Variants in TMEFF2 observed in about 807,000 individuals in gnomAD.
TMEFF2 encodes the protein transmembrane protein with EGF like and two follistatin like domains 2, also known as tomoregulin-2.
TMEFF2 carries 28 observed loss-of-function variants against 53.8 expected under a neutral mutation model. The observed-to-expected ratio is 0.52, with a 90% confidence interval of 0.39 to 0.71. The LOEUF (loss-of-function observed/expected upper bound fraction) is 0.71, where lower values mean the gene tolerates loss of function less well. TMEFF2 is among the 30% of genes least tolerant of loss of function. The pLI, the probability that TMEFF2 is intolerant of heterozygous loss-of-function variation, is 0.00. For synonymous variants in TMEFF2, 162 were observed against 166.3 expected, an observed-to-expected ratio of 0.97 and a Z score of 0.20; for missense variants, 353 against 455.2, an observed-to-expected ratio of 0.78 and a Z score of 2.04.
rs990420019 is a variant in TMEFF2 at position 192,166,199 on chromosome 2, G to A, written c.439+13469C>T. Among the ~76,000 whole-genome samples the A allele has an allele frequency of 2.0e-5, 3 of 152,106 alleles. No individual in the cohort carries two copies. The South Asian group carries it at 6.2e-4, about 31-fold the overall frequency. On this transcript the variant is annotated intron_variant, in intron 4 of 9. Transcript: ENST00000272771. ...TTCTCCCTTTCCAAGCATTGACATT[G>A]TTTGTCTTCCGTTTTATGCTTCTTA...
At position 192,184,418 on chromosome 2, in the gene TMEFF2, C is replaced by T. The variant is rs772214670; in HGVS notation, c.348G>A (p.Leu116=). ...NGESYQNECY[L]RQAACKQQSE... ...TCTGCTGTTTGCATGCAGCCTGTCG[C>T]AGGTAACACTCATTCTGGTAGCTCT... The change falls in exon 3 of 10, where the codon CTG becomes CTA. Residue 116 remains leucine, a synonymous_variant. Transcript: ENST00000272771. 3.7e-5 allele frequency: 59 copies of T among 1,613,330 alleles called. No homozygotes were observed. In the East Asian group the frequency reaches 1.3e-3, roughly 35 times the overall value.
At chr2:192,039,267 T>C (rs1687414619) in intron 5 of TMEFF2, among the ~76,000 whole-genome samples, 1 of 152,144 alleles carries the variant, frequency 6.6e-6, no homozygotes, top group Admixed American at 6.5e-5. Context: ...ATTTATCAAT[T>C]CTATGAATAA....
At chr2:192,048,823 TA>T (rs956851623) in intron 5 of TMEFF2, among the ~76,000 whole-genome samples, 4 of 152,252 alleles carry the variant, frequency 2.6e-5, no homozygotes, top group Admixed American at 2.0e-4. Flanking sequence ...TTGAAGCAGC[TA>T]AAAAAACCTC....
chr2:192,083,387 A>G (rs1037168001), intron 4 of TMEFF2, among the ~76,000 whole-genome samples: 2 of 152,148 alleles, frequency 1.3e-5, no homozygotes, highest in Non-Finnish European at 2.9e-5. Flanking sequence ...GAGAGTATAG[A>G]GGCCAAACCT....
intron 5 of TMEFF2, among the ~76,000 whole-genome samples, chr2:192,034,032 G>T (rs899326333): frequency 2.0e-5 from 3 of 151,800 alleles, no homozygotes; most frequent in African/African-American, 7.3e-5. Flanking sequence ...AAAATTAGCC[G>T]GGCGTGGTGG....
At chr2:192,149,767 G>T (rs1690340339) in intron 4 of TMEFF2, among the ~76,000 whole-genome samples, 1 of 151,940 alleles carries the variant, frequency 6.6e-6, no homozygotes, top group African/African-American at 2.4e-5. Context: ...TCTAAAGACA[G>T]AAGAGTGTAA....
chr2:192,037,835 T>C (rs1176460926), intron 5 of TMEFF2: 1 of 152,152 alleles, frequency 6.6e-6, no homozygotes, highest in Non-Finnish European at 1.5e-5. Context: ...AAAGGACAGT[T>C]TTTCTGTCTT....
At chr2:192,077,841 A>G (rs185503361) in intron 4 of TMEFF2, among the ~76,000 whole-genome samples, 17 of 152,116 alleles carry the variant, frequency 1.1e-4, no homozygotes, top group Admixed American at 2.6e-4. Context: ...CAACGTTCTG[A>G]TTTCTTATAA....
chr2:192,082,686 C>G (rs1177149422), intron 4 of TMEFF2, among the ~76,000 whole-genome samples: 2 of 152,220 alleles, frequency 1.3e-5, no homozygotes, highest in African/African-American at 4.8e-5. Flanking sequence ...TACTGGGATT[C>G]TATAGAGAAA....
At chr2:192,035,152 T>G (rs1687254540) in intron 5 of TMEFF2, 1 of 150,462 alleles carries the variant, frequency 6.6e-6, no homozygotes, top group South Asian at 2.1e-4. Flanking sequence ...CTCAGTGGCT[T>G]AAAATGACAA....
At chr2:192,193,905 T>C (rs1480682552) in intron 1 of TMEFF2, among the ~76,000 whole-genome samples, 1 of 152,074 alleles carries the variant, frequency 6.6e-6, no homozygotes, top group African/African-American at 2.4e-5. Flanking sequence ...GAATCAGCGA[T>C]TCCCCTGCAG....
At chr2:192,039,165 TC>T (rs1179741051) in intron 5 of TMEFF2, among the ~76,000 whole-genome samples, 1 of 152,198 alleles carries the variant, frequency 6.6e-6, no homozygotes, top group African/African-American at 2.4e-5. Flanking sequence ...GTTAAAGTTT[TC>T]AGCAGCCTGA....
chr2:192,021,067 G>A (rs1686847627), intron 5 of TMEFF2, among the ~76,000 whole-genome samples: 1 of 152,112 alleles, frequency 6.6e-6, no homozygotes, highest in Non-Finnish European at 1.5e-5. Flanking sequence ...ATATTAAAAA[G>A]TTTAAGAATA....
At chr2:192,026,386 C>T (rs1401016708) in intron 5 of TMEFF2, among the ~76,000 whole-genome samples, 1 of 152,148 alleles carries the variant, frequency 6.6e-6, no homozygotes, top group African/African-American at 2.4e-5. Context: ...TAATAGACGA[C>T]TGTGTGTCAA....
chr2:192,194,545 C>A lies in TMEFF2; in HGVS notation c.-21G>T, dbSNP rs775138703. 1.5e-5 allele frequency: 24 copies of A among 1,604,440 alleles called. No homozygotes were observed. The East Asian group carries it at 5.4e-4, about 36-fold the overall frequency. ...ACCATGACTAGTTCGTGCAACTCTG[C>A]AGCAGCAAACGGCTTCCGAGGAACA... On this transcript the variant is annotated 5_prime_UTR_variant, in exon 1 of 10. Coordinates refer to ENST00000272771, the MANE Select transcript of TMEFF2 (RefSeq NM_016192.4). This position sits in a 1 kb window ranked among gnomAD's most constrained non-coding sequence, Gnocchi z 4.2.
At chr2:192,121,935 A>G (rs540028658) in intron 4 of TMEFF2, among the ~76,000 whole-genome samples, 12 of 152,222 alleles carry the variant, frequency 7.9e-5, no homozygotes, top group Non-Finnish European at 1.5e-4. Context: ...GATAAGGAGT[A>G]CAAAATTACA....
intron 4 of TMEFF2, among the ~76,000 whole-genome samples, chr2:192,130,389 C>A (rs996280528): frequency 1.2e-4 from 18 of 152,034 alleles, no homozygotes; most frequent in Non-Finnish European, 5.9e-5. Flanking sequence ...AAGAGTATGT[C>A]AGGCCTCTGA....
intron 4 of TMEFF2, among the ~76,000 whole-genome samples, chr2:192,133,030 T>G (rs947807229): frequency 2.0e-5 from 3 of 152,124 alleles, no homozygotes; most frequent in Admixed American, 1.3e-4. Context: ...TTCAAGGGCC[T>G]GTTGCCCTTG....
Position 192,194,634 on chromosome 2 carries a change from C to A in TMEFF2, c.-110G>T. ...CCGCGGACGGCGGCAGCAGAGGCGG[C>A]GGCGGTGGCAGTGGCACCCGGCGGG... On this transcript the variant is annotated 5_prime_UTR_variant, in exon 1 of 10. Coordinates refer to ENST00000272771, the MANE Select transcript of TMEFF2 (RefSeq NM_016192.4). This position sits in a 1 kb window ranked among gnomAD's most constrained non-coding sequence, Gnocchi z 4.2. 7.6e-7 allele frequency: 1 copy of A among 1,321,170 alleles called. No individual in the cohort carries two copies. Among genetic ancestry groups the A allele is most frequent in the Non-Finnish European group, 1.0e-6 (1 of 959,410 alleles). 81.8% of individuals were successfully genotyped at this position (1,321,170 alleles called of 1,614,324 possible).
Sources: allele counts gnomAD v4.1 joint callset (sites outside exome capture counted in the v4.1 genomes callset), GRCh38; gene constraint gnomAD v4.1.1; non-coding constraint Gnocchi (gnomAD v3.1); transcripts MANE v1.5; gene names NCBI Gene and HGNC (gene_info 2026-07-23, HGNC 2026-07-21).